ERLIN1: variants seen among roughly 807,000 people sequenced by gnomAD.
ERLIN1 encodes the protein erlin-1.
A neutral mutation model predicts 46.9 loss-of-function variants in ERLIN1; 24 were observed. The ratio of observed to expected loss-of-function variants is 0.51; its 90% confidence interval spans 0.37 to 0.72. The LOEUF (loss-of-function observed/expected upper bound fraction) is 0.72. ERLIN1 is among the 30% of genes least tolerant of loss of function. The pLI, the probability that ERLIN1 is intolerant of heterozygous loss-of-function variation, is 0.00. For synonymous variants in ERLIN1, 158 were observed against 143.2 expected (o/e 1.10, Z -0.74); for missense variants, 293 against 417.9 (o/e 0.70, Z 2.61).
chr10:100,170,316 T>C (rs557591698), intron 6 of ERLIN1, among the ~76,000 whole-genome samples: 1 of 152,250 alleles, frequency 6.6e-6, no homozygotes, highest in South Asian at 2.1e-4. Flanking sequence ...GCAAAGGAGC[T>C]CTTCTCTTCT....
At chr10:100,176,738 T>C (rs559641018) in intron 4 of ERLIN1, among the ~76,000 whole-genome samples, 3 of 152,324 alleles carry the variant, frequency 2.0e-5, no homozygotes, top group African/African-American at 7.2e-5. Context: ...ACCTGTTCTT[T>C]ATCTACAAAA....
rs372452324 is a variant in ERLIN1 at position 100,183,741 on chromosome 10, C to G, written c.195+15G>C. 1.4e-5 allele frequency: 23 copies of G among 1,588,542 alleles called. No homozygotes were observed. In the African/African-American group the frequency reaches 2.4e-4, roughly 17 times the overall value. ...TGTCTATCTGGTATGGAGGCTTCCC[C>G]TAGGAATCACTCACCTGCACAGATC... On this transcript the variant is annotated intron_variant, in intron 2 of 10. Coordinates refer to ENST00000421367, the MANE Select transcript of ERLIN1 (RefSeq NM_006459.4).
intron 2 of ERLIN1, among the ~76,000 whole-genome samples, chr10:100,181,919 C>T (rs12098271): frequency 0.049 from 7,472 of 152,172 alleles, 606 homozygotes; most frequent in African/African-American, 0.17. Flanking sequence ...TGGCTCTAGC[C>T]CATGTAAAAC....
At position 100,152,009 on chromosome 10, in the gene ERLIN1, G is replaced by A. The variant is rs933517254; in HGVS notation, c.*122C>T. On this transcript the variant is annotated 3_prime_UTR_variant, in exon 11 of 11. Coordinates refer to ENST00000421367, the MANE Select transcript of ERLIN1 (RefSeq NM_006459.4). ...AATCAGTGGAGCACCCAGGACTATC[G>A]CAGGAGAGGTGGAACAGATGAAGTG... 5.3e-5 allele frequency: 39 copies of A among 734,602 alleles called. No homozygotes were observed. The highest frequency in any genetic ancestry group is 1.0e-4 in the African/African-American group (6 of 57,726). 45.5% of individuals were successfully genotyped at this position (734,602 alleles called of 1,614,324 possible).
chr10:100,169,738 C>T (rs1843879558), intron 6 of ERLIN1, among the ~76,000 whole-genome samples: 1 of 152,020 alleles, frequency 6.6e-6, no homozygotes, highest in Non-Finnish European at 1.5e-5. Context: ...ACCAAAAAGG[C>T]TGATATGATA....
At chr10:100,166,107 G>A (rs1843623167) in intron 7 of ERLIN1, among the ~76,000 whole-genome samples, 1 of 152,190 alleles carries the variant, frequency 6.6e-6, no homozygotes, top group South Asian at 2.1e-4. Flanking sequence ...TAAAAGAAGA[G>A]TTCTTTGTCT....
Position 100,185,830 on chromosome 10 carries a change from G to C in ERLIN1, c.-204C>G. 1 of 589,168 alleles carries C rather than the reference G, an allele frequency of 1.7e-6. No individual in the cohort carries two copies. Among genetic ancestry groups the C allele is most frequent in the South Asian group, 2.0e-5 (1 of 49,676 alleles). The allele number at this position is 589,168 out of a possible 1,614,324, so 36.5% of individuals were successfully genotyped here. On this transcript the variant is annotated 5_prime_UTR_variant, in exon 1 of 11. Transcript: ENST00000421367. ...CCAACTCCTCCGCCCCCGGAGGCCA[G>C]TGGGCCGCCCCTGCTCGGTGAGCTT...
At chr10:100,169,406 T>C (rs1418350572) in intron 6 of ERLIN1, among the ~76,000 whole-genome samples, 2 of 149,414 alleles carry the variant, frequency 1.3e-5, no homozygotes, top group East Asian at 2.0e-4. Context: ...CTCCCTTAAA[T>C]AACATAGGAA....
At position 100,152,192 on chromosome 10, in the gene ERLIN1, G is replaced by A. The variant is rs780862850; in HGVS notation, c.986C>T (p.Ser329Phe). ...IRTGRESSLP[S>F]KEALEPSGEN... ...TCCAGAGGGTTCAAGAGCCTCCTTA[G>A]AGGGGAGTGAGCTTTCTCTTCCAGT... is the stretch of plus-strand genomic sequence containing the variant. Residue 329 changes from serine to phenylalanine, a missense_variant, in exon 11 of 11, where the codon TCT becomes TTT. By Grantham distance (155) the Ser-to-Phe change is radical. Transcript: ENST00000421367. 3 of 1,613,624 alleles carry A rather than the reference G, an allele frequency of 1.9e-6. No homozygotes were observed. The highest frequency in any genetic ancestry group is 2.5e-6 in the Non-Finnish European group (3 of 1,179,518).
At chr10:100,167,473 A>G in intron 6 of ERLIN1, 67 bp from the exon 7 acceptor site, 3 of 1,325,806 alleles carry the variant, frequency 2.3e-6, no homozygotes, top group Non-Finnish European at 2.1e-6. Flanking sequence ...AATCTTCTAC[A>G]GAAAAGCCCC....
intron 10 of ERLIN1, among the ~76,000 whole-genome samples, chr10:100,154,415 C>G (rs1476916712): frequency 1.3e-5 from 2 of 152,164 alleles, no homozygotes; most frequent in East Asian, 3.8e-4. Context: ...ATTCAGTAGA[C>G]AAGGGCCAGG....
At chr10:100,183,919 A>T in intron 1 of ERLIN1, 82 bp from the exon 2 acceptor site, 1 of 966,254 alleles carries the variant, frequency 1.0e-6, no homozygotes, top group Non-Finnish European at 1.6e-6. Flanking sequence ...ATAAATACTC[A>T]CTCTTGCTCA....
At chr10:100,154,799 T>C in intron 10 of ERLIN1, 61 bp downstream of exon 10, 1 of 1,367,606 alleles carries the variant, frequency 7.3e-7, no homozygotes, top group Admixed American at 1.8e-5. Context: ...TCAGAGCTCC[T>C]GAAAAGAGAA....
intron 6 of ERLIN1, among the ~76,000 whole-genome samples, chr10:100,171,267 A>G (rs1221357952): frequency 1.3e-5 from 2 of 152,218 alleles, no homozygotes; most frequent in Non-Finnish European, 2.9e-5. Context: ...TTAAATGACA[A>G]AGAAAAAATT....
Position 100,152,500 on chromosome 10 carries a change from T to C in ERLIN1, c.826-148A>G. ...AATGACCCTCTCTCACTTTGGAGAG[T>C]GGCTATCACATTAACAGCTGCGTTC... On this transcript the variant is annotated intron_variant, in intron 10 of 10. Coordinates refer to ENST00000421367, the MANE Select transcript of ERLIN1 (RefSeq NM_006459.4). 4.8e-6 allele frequency: 3 copies of C among 630,218 alleles called. No homozygotes were observed. The South Asian group carries it at 5.6e-5, about 12-fold the overall frequency. 39.0% of individuals were successfully genotyped at this position (630,218 alleles called of 1,614,324 possible). A position where few individuals can be genotyped will look rare whatever the true frequency, so the allele number is the denominator to read the frequency against.
chr10:100,162,131 T>C (rs946582978), intron 8 of ERLIN1, among the ~76,000 whole-genome samples: 9 of 152,116 alleles, frequency 5.9e-5, no homozygotes, highest in Non-Finnish European at 1.2e-4. Flanking sequence ...TTGAAAGATG[T>C]TGGAAATGCA....
At chr10:100,167,997 G>C (rs77783037) in intron 6 of ERLIN1, among the ~76,000 whole-genome samples, 1,545 of 152,264 alleles carry the variant, frequency 0.01, 27 homozygotes, top group African/African-American at 0.036. Flanking sequence ...CTCTCACTTA[G>C]AACAAAGTCT....
chr10:100,168,875 G>C (rs1202459487), intron 6 of ERLIN1, among the ~76,000 whole-genome samples: 2 of 151,970 alleles, frequency 1.3e-5, no homozygotes, highest in Non-Finnish European at 2.9e-5. Flanking sequence ...GTAGAGACAG[G>C]GTTTCACTGT....
intron 1 of ERLIN1, 54 bp downstream of exon 1, chr10:100,185,460 G>T: frequency 1.5e-6 from 2 of 1,359,696 alleles, no homozygotes; most frequent in East Asian, 4.6e-5. Flanking sequence ...ACTCCACTCT[G>T]GAGTACCCTT....
Sources: allele counts gnomAD v4.1 joint callset (sites outside exome capture counted in the v4.1 genomes callset), GRCh38; gene constraint gnomAD v4.1.1; transcripts MANE v1.5; gene names NCBI Gene and HGNC (gene_info 2026-07-23, HGNC 2026-07-21).